The following NAE1 variants were observed in gnomAD, a reference collection of about 807,000 sequenced individuals.
The protein encoded by NAE1 is NEDD8-activating enzyme E1 regulatory subunit.
A neutral mutation model predicts 88.0 loss-of-function variants in NAE1; 59 were observed. The observed-to-expected ratio is 0.67, with a 90% CI of 0.54 to 0.83. NAE1 has a LOEUF of 0.83. Among genes scored for constraint, NAE1 ranks in the 40% least tolerant of loss-of-function variants. The pLI is 0.00. For missense variants in NAE1, 554 were observed against 632.8 expected (o/e 0.88, Z 1.34); for synonymous variants, 186 against 208.9 (o/e 0.89, Z 0.95).
chr16:66,804,503 A>C (rs529008596), intron 19 of NAE1, among the ~76,000 whole-genome samples: 1 of 152,340 alleles, frequency 6.6e-6, no homozygotes, highest in South Asian at 2.1e-4. Context: ...GGTCTGTATG[A>C]TGCATTTACA....
At position 66,818,686 on chromosome 16, in the gene NAE1, A is replaced by T. The variant is rs543230046; in HGVS notation, c.512-49T>A. The T allele has an allele frequency of 2.6e-5, 40 of 1,547,020 alleles. No homozygotes were observed. The South Asian group carries it at 4.3e-4, about 16-fold the overall frequency. On this transcript the variant is annotated intron_variant, in intron 7 of 19. Coordinates refer to ENST00000290810, the MANE Select transcript of NAE1 (RefSeq NM_003905.4). ...GATAAATTTAACACTTAAAAAAAAA[A>T]AAGAGAGAGATGGGGTCTTGCTGTA...
chr16:66,820,449 C>T (rs1033738246), intron 7 of NAE1, among the ~76,000 whole-genome samples: 1 of 152,176 alleles, frequency 6.6e-6, no homozygotes, highest in Non-Finnish European at 1.5e-5. Flanking sequence ...CTAAAGCCTG[C>T]ATGAGAATGA....
chr16:66,816,384 C>T (rs189537573), intron 11 of NAE1, among the ~76,000 whole-genome samples, 197 bp downstream of exon 11: 2 of 152,092 alleles, frequency 1.3e-5, no homozygotes, highest in African/African-American at 4.8e-5. Context: ...AGGCTGGTCT[C>T]GAACTCCTGA....
At chr16:66,825,363 C>T (rs576343519) in intron 3 of NAE1, among the ~76,000 whole-genome samples, 2 of 151,038 alleles carry the variant, frequency 1.3e-5, no homozygotes, top group Admixed American at 6.6e-5. Flanking sequence ...AGGAGAATGG[C>T]GTGAACCTGG....
rs766996459 is a variant in NAE1 at position 66,818,672 on chromosome 16, C to T, written c.512-35G>A. 14 of 1,551,402 alleles carry T rather than the reference C, an allele frequency of 9.0e-6. No individual in the cohort carries two copies. In the South Asian group the frequency reaches 9.7e-5, roughly 11 times the overall value. On this transcript the variant is annotated intron_variant, in intron 7 of 19. Transcript: ENST00000290810. ...AAAGAATTCAAAAGGATAAATTTAACACTTAAAAAAAAAAAAGAGAGAGAT... is the reference window on the plus strand; with the variant it reads ...AAAGAATTCAAAAGGATAAATTTAATACTTAAAAAAAAAAAAGAGAGAGAT...
At chr16:66,823,843 T>C (rs1262175018) in intron 4 of NAE1, among the ~76,000 whole-genome samples, 1 of 152,222 alleles carries the variant, frequency 6.6e-6, no homozygotes, top group Non-Finnish European at 1.5e-5. Flanking sequence ...GCAATCTTCC[T>C]GCCTCAGCCT....
intron 19 of NAE1, among the ~76,000 whole-genome samples, chr16:66,804,614 T>C (rs1036283917): frequency 6.6e-6 from 1 of 152,170 alleles, no homozygotes; most frequent in Non-Finnish European, 1.5e-5. Flanking sequence ...CTACAGGAGA[T>C]CACAGGACAG....
intron 19 of NAE1, 68 bp downstream of exon 19, chr16:66,805,707 CAA>C: frequency 8.0e-7 from 1 of 1,256,878 alleles, no homozygotes; most frequent in Non-Finnish European, 1.0e-6. Flanking sequence ...AGCTAGACGA[CAA>C]AACTTTGTAT....
Position 66,817,385 on chromosome 16 carries a change from A to T in NAE1, c.684+40T>A, listed in dbSNP as rs536748033. ...GGAAATCCTTTGTAAGAAACTGAAA[A>T]TACAGTTGCATATGAAATTTTTTTT... On this transcript the variant is annotated intron_variant, in intron 9 of 19. Coordinates refer to ENST00000290810, the MANE Select transcript of NAE1 (RefSeq NM_003905.4). 15 of 1,439,134 alleles carry T rather than the reference A, an allele frequency of 1.0e-5. No homozygotes were observed. The East Asian group carries it at 3.4e-4, about 33-fold the overall frequency. 89.1% of individuals were successfully genotyped at this position (1,439,134 alleles called of 1,614,324 possible). A position where few individuals can be genotyped will look rare whatever the true frequency, so the allele number is the denominator to read the frequency against.
Position 66,821,564 on chromosome 16 carries a change from T to TAA in NAE1, c.402-6_402-5insTT. 1 of 1,556,006 alleles carries TAA rather than the reference T, an allele frequency of 6.4e-7. No homozygotes were observed. The highest frequency in any genetic ancestry group is 2.3e-5 in the East Asian group (1 of 43,784). On this transcript the variant is annotated splice_region_variant and splice_polypyrimidine_tract_variant and intron_variant, in intron 6 of 19. Transcript: ENST00000290810. Reference sequence around the variant, plus strand: ...TCTGCTAAGCGTAGTGAAGTGCTGTTTAAAAAAAAAAAGCAAAATATGAAC... The same window carrying TAA: ...TCTGCTAAGCGTAGTGAAGTGCTGTTAATAAAAAAAAAAAGCAAAATATGAAC...
At position 66,817,502 on chromosome 16, in the gene NAE1, CAAAT is replaced by C; in HGVS notation, c.622-19_622-16del. On this transcript the variant is annotated splice_polypyrimidine_tract_variant and intron_variant, in intron 8 of 19. Coordinates refer to ENST00000290810, the MANE Select transcript of NAE1 (RefSeq NM_003905.4). ...TGACTGTGGTCCTAAAAATGAGAGA[CAAAT>C]AAAAGAAAATATCAGTATTATGAAT... The C allele has an allele frequency of 2.0e-6, 3 of 1,518,114 alleles. No homozygotes were observed. The highest frequency in any genetic ancestry group is 1.3e-5 in the South Asian group (1 of 79,546). 94.0% of individuals were successfully genotyped at this position (1,518,114 alleles called of 1,614,324 possible). A position where few individuals can be genotyped will look rare whatever the true frequency, so the allele number is the denominator to read the frequency against.
chr16:66,823,613 A>C lies in NAE1; in HGVS notation c.250-13T>G. The C allele has an allele frequency of 1.3e-6, 2 of 1,584,408 alleles. No homozygotes were observed. The highest frequency in any genetic ancestry group is 1.7e-6 in the Non-Finnish European group (2 of 1,171,342). The stretch of plus-strand genomic sequence containing the variant: ...CTTCAGCTCGGTTCTTTTTAAAAAC[A>C]AAGCATTTAACTTGAATTAGAAAAA... On this transcript the variant is annotated splice_polypyrimidine_tract_variant and intron_variant, in intron 4 of 19. Coordinates refer to ENST00000290810, the MANE Select transcript of NAE1 (RefSeq NM_003905.4).
At chr16:66,803,402 G>T (rs363166) in intron 19 of NAE1, among the ~76,000 whole-genome samples, 1 of 151,866 alleles carries the variant, frequency 6.6e-6, no homozygotes, top group Non-Finnish European at 1.5e-5. Context: ...ATTTTACCTT[G>T]TATCTGTTTT....
At chr16:66,819,662 A>C (rs1282707313) in intron 7 of NAE1, among the ~76,000 whole-genome samples, 1 of 152,164 alleles carries the variant, frequency 6.6e-6, no homozygotes, top group Admixed American at 6.6e-5. Flanking sequence ...CTGAAGTAAG[A>C]AATGTTCCAA....
chr16:66,805,693 A>G, intron 19 of NAE1, 84 bp downstream of exon 19: 1 of 1,172,992 alleles, frequency 8.5e-7, no homozygotes, highest in Non-Finnish European at 1.1e-6. Flanking sequence ...TCCCTAATTA[A>G]AATAGCTAGA....
At chr16:66,818,687 A>AAG (rs777122784) in intron 7 of NAE1, 50 bp from the exon 8 acceptor site, 2 of 1,538,304 alleles carry the variant, frequency 1.3e-6, no homozygotes. Context: ...AAAAAAAAAA[A>AAG]AGAGAGAGAT....
At position 66,829,874 on chromosome 16, in the gene NAE1, T is replaced by C. The variant is rs554009880; in HGVS notation, c.53+973A>G. 3.3e-5 allele frequency among the ~76,000 whole-genome samples: 5 copies of C among 152,244 alleles called. No individual in the cohort carries two copies. In the East Asian group the frequency reaches 9.7e-4, roughly 29 times the overall value. On this transcript the variant is annotated intron_variant, in intron 1 of 19. Coordinates refer to ENST00000290810, the MANE Select transcript of NAE1 (RefSeq NM_003905.4). Reference sequence around the variant, plus strand: ...ATGTGCTGGTAAGTGTAAAATACAATATTTATACGATAGTTTTGGGGGGGC... The same window carrying C: ...ATGTGCTGGTAAGTGTAAAATACAACATTTATACGATAGTTTTGGGGGGGC...
chr16:66,827,199 G>A (rs778098036), intron 1 of NAE1, among the ~76,000 whole-genome samples: 27 of 152,118 alleles, frequency 1.8e-4, no homozygotes, highest in Non-Finnish European at 2.5e-4. Flanking sequence ...CATGATCTCA[G>A]CTCACTTGGC....
intron 7 of NAE1, among the ~76,000 whole-genome samples, chr16:66,819,137 T>C (rs931530964): frequency 1.3e-5 from 2 of 152,202 alleles, no homozygotes; most frequent in African/African-American, 4.8e-5. Flanking sequence ...TATAAAGTTT[T>C]AGTAAAAGTA....
Sources: allele counts gnomAD v4.1 joint callset (sites outside exome capture counted in the v4.1 genomes callset), GRCh38; gene constraint gnomAD v4.1.1; transcripts MANE v1.5; gene names NCBI Gene and HGNC (gene_info 2026-07-23, HGNC 2026-07-21).